RAB42: variants seen among roughly 807,000 people sequenced by gnomAD.
RAB42 encodes RAB42, member RAS oncogene family, also known as ras-related protein Rab-42.
A neutral mutation model predicts 7.5 loss-of-function variants in RAB42; 4 were observed. The ratio of observed to expected loss-of-function variants is 0.53; its 90% CI spans 0.26 to 1.22. The LOEUF (loss-of-function observed/expected upper bound fraction) is 1.22, where lower values mean the gene tolerates loss of function less well. RAB42 is among the 50% of genes most tolerant of loss of function. RAB42 has a pLI of 0.13. For missense variants in RAB42, 208 were observed against 281.2 expected (o/e 0.74, Z 1.86); for synonymous variants, 82 against 129.0 (o/e 0.64, Z 2.47).
At position 28,592,923 on chromosome 1, in the gene RAB42, G is replaced by C. The variant is rs1340428935; in HGVS notation, c.233+179G>C. Among the ~76,000 whole-genome samples, 1 of 151,996 alleles carries C rather than the reference G, an allele frequency of 6.6e-6. No homozygotes were observed. The highest frequency in any genetic ancestry group is 1.5e-5 in the Non-Finnish European group (1 of 68,014). ...CCCTGCTCGGAGTCATTTTTCCCACGAACACTGCGGGGTGGGTCGAGTCCC... is the reference window on the plus strand; with the variant it reads ...CCCTGCTCGGAGTCATTTTTCCCACCAACACTGCGGGGTGGGTCGAGTCCC... On this transcript the variant is annotated intron_variant, in intron 1 of 1. Transcript: ENST00000465518. This position sits in a 1 kb window ranked among gnomAD's most constrained non-coding sequence, Gnocchi z 4.1.
In RAB42 at chr1:28,592,579, C is replaced by T. The variant is rs1666338686; in HGVS notation, c.68C>T (p.Thr23Met). ...ALLGDAAVGK[T>M]SLLRSYVAGA... ...CTGGGGGACGCGGCGGTGGGCAAGA[C>T]GTCGCTGCTGCGGAGCTACGTGGCA... The change falls in exon 1 of 2, where the codon ACG becomes ATG. Residue 23 changes from threonine (T) to methionine (M), a missense_variant. Coordinates refer to ENST00000465518, the MANE Select transcript of RAB42 (RefSeq NM_001193532.3). This position sits in a 1 kb window ranked among gnomAD's most constrained non-coding sequence, Gnocchi z 4.1. The T allele has an allele frequency of 8.2e-7, 1 of 1,219,128 alleles. No homozygotes were observed. Among genetic ancestry groups the T allele is most frequent in the Non-Finnish European group, 1.0e-6 (1 of 979,802 alleles). The allele number at this position is 1,219,128 out of a possible 1,614,324, so 75.5% of individuals were successfully genotyped here.
At position 28,592,425 on chromosome 1, in the gene RAB42, G is replaced by A. The variant is rs1006566543; in HGVS notation, c.-87G>A. 3.5e-6 allele frequency: 2 copies of A among 574,880 alleles called. No homozygotes were observed. Among genetic ancestry groups the A allele is most frequent in the Non-Finnish European group, 4.7e-6 (2 of 429,462 alleles). The allele number at this position is 574,880 out of a possible 1,614,324, so 35.6% of individuals were successfully genotyped here. ...GTACGGTGGCTGGGCGCGGGGAGCG[G>A]GGGGCGGCGCCGGCGGGGCCCCGGG... On this transcript the variant is annotated 5_prime_UTR_variant, in exon 1 of 2. Coordinates refer to ENST00000465518, the MANE Select transcript of RAB42 (RefSeq NM_001193532.3). The surrounding 1 kb of genome is among the most constrained non-coding windows in gnomAD (Gnocchi z 4.1).
chr1:28,592,792 G>T lies in RAB42; in HGVS notation c.233+48G>T. On this transcript the variant is annotated intron_variant, in intron 1 of 1. Coordinates refer to ENST00000465518, the MANE Select transcript of RAB42 (RefSeq NM_001193532.3). This position sits in a 1 kb window ranked among gnomAD's most constrained non-coding sequence, Gnocchi z 4.1. ...AGGGACTTCTGGTGGGGGGCTCGGT[G>T]AGCGTGCTTTAGGCCACGGCAACTC... 3.0e-6 allele frequency: 3 copies of T among 996,518 alleles called. No homozygotes were observed. Among genetic ancestry groups the T allele is most frequent in the South Asian group, 1.0e-4 (2 of 19,356 alleles). The allele number at this position is 996,518 out of a possible 1,614,324, so 61.7% of individuals were successfully genotyped here. A position where few individuals can be genotyped will look rare whatever the true frequency, so the allele number is the denominator to read the frequency against.
chr1:28,592,710 C>A lies in RAB42; in HGVS notation c.199C>A (p.Gln67Lys). Residue 67 changes from glutamine to lysine, a missense_variant, in exon 1 of 2, where the codon CAA becomes AAA. By Grantham distance (53) the Gln-to-Lys change is moderately conservative (BLOSUM62 1). Coordinates refer to ENST00000465518, the MANE Select transcript of RAB42 (RefSeq NM_001193532.3). The surrounding 1 kb of genome is among the most constrained non-coding windows in gnomAD (Gnocchi z 4.1). ...GCGGGCCGGGCCGCGGGTCAAGCTG[C>A]AACTCTGGGACACCGCGGGCCACGA... ...QLRAGPRVKL[Q>K]LWDTAGHERF... The A allele has an allele frequency of 4.9e-6, 6 of 1,229,956 alleles. No homozygotes were observed. Among genetic ancestry groups the A allele is most frequent in the Non-Finnish European group, 6.1e-6 (6 of 986,736 alleles). The allele number at this position is 1,229,956 out of a possible 1,614,324, so 76.2% of individuals were successfully genotyped here.
rs917058448 is a variant in RAB42, at chr1:28,594,755, A to G, written c.*638A>G. On this transcript the variant is annotated 3_prime_UTR_variant, in exon 2 of 2. Coordinates refer to ENST00000465518, the MANE Select transcript of RAB42 (RefSeq NM_001193532.3). ...TCACCCAGAGCCTGCCGCGCTGTGA[A>G]TTGAATGACAAAAGCTCTCATTCCC... 2 of 167,036 alleles carry G rather than the reference A, an allele frequency of 1.2e-5. No individual in the cohort carries two copies. Among genetic ancestry groups the G allele is most frequent in the Admixed American group, 6.5e-5 (1 of 15,272 alleles). 10.3% of individuals were successfully genotyped at this position (167,036 alleles called of 1,614,324 possible). A position where few individuals can be genotyped will look rare whatever the true frequency, so the allele number is the denominator to read the frequency against.
downstream of RAB42, chr1:28,595,507 G>C (rs900197429): frequency 4.9e-5 from 8 of 164,706 alleles, no homozygotes; most frequent in African/African-American, 1.7e-4. Context: ...GGCAGGGAAT[G>C]TCCTGGGAGC....
In RAB42 at chr1:28,592,267, A is replaced by G. The variant is rs879335786; in HGVS notation, c.-245A>G. ...CCCCATGCCCCTCCTCACTTCATCTAGTTTAGTCCCTTTATCCTGTGAAGT... is the reference window on the plus strand; with the variant it reads ...CCCCATGCCCCTCCTCACTTCATCTGGTTTAGTCCCTTTATCCTGTGAAGT... On this transcript the variant is annotated 5_prime_UTR_variant, in exon 1 of 2. Coordinates refer to ENST00000465518, the MANE Select transcript of RAB42 (RefSeq NM_001193532.3). The surrounding 1 kb of genome is among the most constrained non-coding windows in gnomAD (Gnocchi z 4.1). 1.7e-5 allele frequency: 3 copies of G among 173,184 alleles called. No individual in the cohort carries two copies. The highest frequency in any genetic ancestry group is 3.6e-5 in the Non-Finnish European group (3 of 82,492). The allele number at this position is 173,184 out of a possible 1,614,324, so 10.7% of individuals were successfully genotyped here. A position where few individuals can be genotyped will look rare whatever the true frequency, so the allele number is the denominator to read the frequency against.
chr1:28,596,390 G>A (rs1302952707), downstream of RAB42, among the ~76,000 whole-genome samples: 1 of 152,182 alleles, frequency 6.6e-6, no homozygotes, highest in African/African-American at 2.4e-5. Context: ...GAGTGCCGAG[G>A]TGGGCGGATC....
At chr1:28,596,601 G>A (rs368129584), downstream of RAB42, among the ~76,000 whole-genome samples, 11 of 152,242 alleles carry the variant, frequency 7.2e-5, no homozygotes, top group East Asian at 5.8e-4. Context: ...CAGCCTGGGC[G>A]ATAGAGCGAG....
At chr1:28,595,943 ACT>A (rs956756202), downstream of RAB42, among the ~76,000 whole-genome samples, 5 of 151,758 alleles carry the variant, frequency 3.3e-5, no homozygotes, top group East Asian at 1.9e-4. Flanking sequence ...TAGTCACTTA[ACT>A]CTCTTTTGTG....
chr1:28,593,926 G>C lies in RAB42; in HGVS notation c.466G>C (p.Val156Leu). 6.2e-7 allele frequency: 1 copy of C among 1,613,800 alleles called. No individual in the cohort carries two copies. The highest frequency in any genetic ancestry group is 8.5e-7 in the Non-Finnish European group (1 of 1,179,820). The stretch of plus-strand genomic sequence containing the variant: ...AGCTGCCTCCCTGGGCATGGCCTTC[G>C]TGGAGACCTCGGTTAAAAACAACTG... ...ELAASLGMAFVETSVKNNCNV... is the reference protein window; with the variant it reads ...ELAASLGMAFLETSVKNNCNV... Residue 156 changes from valine to leucine, a missense_variant, in exon 2 of 2, where the codon GTG (valine) becomes CTG (leucine). Coordinates refer to ENST00000465518, the MANE Select transcript of RAB42 (RefSeq NM_001193532.3).
rs1666328032 is a variant in RAB42 at position 28,592,339 on chromosome 1, C to T, written c.-173C>T. 2 of 207,078 alleles carry T rather than the reference C, an allele frequency of 9.7e-6. No homozygotes were observed. The highest frequency in any genetic ancestry group is 1.9e-5 in the Non-Finnish European group (2 of 105,950). The allele number at this position is 207,078 out of a possible 1,614,324, so 12.8% of individuals were successfully genotyped here. ...TTTACAGAGGAGAGAATTGAGGCTT[C>T]GAGAGAGAGAAACTTGGCCAGGAGT... On this transcript the variant is annotated 5_prime_UTR_variant, in exon 1 of 2. Coordinates refer to ENST00000465518, the MANE Select transcript of RAB42 (RefSeq NM_001193532.3). The surrounding 1 kb of genome is among the most constrained non-coding windows in gnomAD (Gnocchi z 4.1).
At chr1:28,593,441 C>T (rs944116391) in intron 1 of RAB42, among the ~76,000 whole-genome samples, 19 of 152,264 alleles carry the variant, frequency 1.2e-4, no homozygotes, top group African/African-American at 4.6e-4. Flanking sequence ...CTCCTGATCT[C>T]GTGATCCACA....
rs902766146 is a variant in RAB42, at chr1:28,592,942, G to A, written c.233+198G>A. ...TCCCACGAACACTGCGGGGTGGGTCGAGTCCCAGAGACCAGGAACATCCCT... is the reference window on the plus strand; with the variant it reads ...TCCCACGAACACTGCGGGGTGGGTCAAGTCCCAGAGACCAGGAACATCCCT... On this transcript the variant is annotated intron_variant, in intron 1 of 1. Coordinates refer to ENST00000465518, the MANE Select transcript of RAB42 (RefSeq NM_001193532.3). The surrounding 1 kb of genome is among the most constrained non-coding windows in gnomAD (Gnocchi z 4.1). Among the ~76,000 whole-genome samples the A allele has an allele frequency of 1.3e-5, 2 of 152,152 alleles. No homozygotes were observed. Among genetic ancestry groups the A allele is most frequent in the African/African-American group, 4.8e-5 (2 of 41,438 alleles).
At chr1:28,595,897 G>C (rs1475520901), downstream of RAB42, among the ~76,000 whole-genome samples, 13 of 151,990 alleles carry the variant, frequency 8.6e-5, no homozygotes, top group Non-Finnish European at 1.9e-4. Context: ...TTGGGTGGCA[G>C]AGCAACACTC....
At chr1:28,596,263 T>C (rs1330478406), downstream of RAB42, among the ~76,000 whole-genome samples, 1 of 152,186 alleles carries the variant, frequency 6.6e-6, no homozygotes, top group Non-Finnish European at 1.5e-5. Context: ...AAATGTACAA[T>C]AAATTACTGT....
At position 28,595,203 on chromosome 1, in the gene RAB42, C is replaced by G. The variant is rs1666413946; in HGVS notation, c.*1086C>G. The G allele has an allele frequency of 6.0e-6, 1 of 167,068 alleles. No individual in the cohort carries two copies. Among genetic ancestry groups the G allele is most frequent in the African/African-American group, 2.4e-5 (1 of 41,444 alleles). 10.3% of individuals were successfully genotyped at this position (167,068 alleles called of 1,614,324 possible). On this transcript the variant is annotated 3_prime_UTR_variant, in exon 2 of 2. Coordinates refer to ENST00000465518, the MANE Select transcript of RAB42 (RefSeq NM_001193532.3). ...CTTGCCCCACTCTCTGGGAAAGGCC[C>G]TCCCTTCAGGGCAGCTTGTATCCAA...
chr1:28,592,638 C>G lies in RAB42; in HGVS notation c.127C>G (p.Pro43Ala). The G allele has an allele frequency of 8.2e-7, 1 of 1,225,644 alleles. No homozygotes were observed. Among genetic ancestry groups the G allele is most frequent in the Non-Finnish European group, 1.0e-6 (1 of 983,944 alleles). The allele number at this position is 1,225,644 out of a possible 1,614,324, so 75.9% of individuals were successfully genotyped here. Residue 43 changes from proline to alanine, a missense_variant, in exon 1 of 2, where the codon CCC becomes GCC. Transcript: ENST00000465518. This position sits in a 1 kb window ranked among gnomAD's most constrained non-coding sequence, Gnocchi z 4.1. ...TGGCGCCCCGGAGCCGGAGCCCGAGCCCGAGCCCACGGTGGGCGCCGAGTG... is the reference window on the plus strand; with the variant it reads ...TGGCGCCCCGGAGCCGGAGCCCGAGGCCGAGCCCACGGTGGGCGCCGAGTG... ...APGAPEPEPE[P>A]EPTVGAECYR... is the part of the protein sequence containing the mutation.
At chr1:28,593,232 C>T (rs1262634846) in intron 1 of RAB42, among the ~76,000 whole-genome samples, 1 of 151,402 alleles carries the variant, frequency 6.6e-6, no homozygotes, top group African/African-American at 2.4e-5. Flanking sequence ...GAGACGGAGT[C>T]TCTCTCTGTC....
Sources: allele counts gnomAD v4.1 joint callset (sites outside exome capture counted in the v4.1 genomes callset), GRCh38; gene constraint gnomAD v4.1.1; non-coding constraint Gnocchi (gnomAD v3.1); transcripts MANE v1.5; gene names NCBI Gene and HGNC (gene_info 2026-07-23, HGNC 2026-07-21).